DNASE1: variants seen among roughly 807,000 people sequenced by gnomAD.
DNASE1 encodes deoxyribonuclease 1.
A neutral mutation model predicts 33.9 loss-of-function variants in DNASE1; 40 were observed. The observed-to-expected ratio is 1.18, with a 90% CI of 0.92 to 1.54. The LOEUF is 1.54. DNASE1 is among the 40% of genes most tolerant of loss of function. DNASE1 has a pLI of 0.00. For missense variants in DNASE1, 518 were observed against 372.6 expected (o/e 1.39, Z -3.21); for synonymous variants, 216 against 160.0 (o/e 1.35, Z -2.64).
chr16:3,620,797 T>A (rs58832719), intron 1 of DNASE1, among the ~76,000 whole-genome samples: 8,646 of 151,176 alleles, frequency 0.057, 286 homozygotes, highest in East Asian at 0.14. Flanking sequence ...TTTTTTTTTT[T>A]AAAAAGTTTA....
chr16:3,657,626 G>T, intron 7 of DNASE1, 94 bp from the exon 8 acceptor site: 1 of 1,539,048 alleles, frequency 6.5e-7, no homozygotes, highest in Non-Finnish European at 8.8e-7. Flanking sequence ...ACCTGCACTG[G>T]CAGGTCCCAG....
chr16:3,618,787 C>G (rs2041198041), intron 1 of DNASE1, among the ~76,000 whole-genome samples: 1 of 152,178 alleles, frequency 6.6e-6, no homozygotes, highest in Admixed American at 6.5e-5. Flanking sequence ...AAATGCCCTT[C>G]AGTGCATGAA....
intron 1 of DNASE1, among the ~76,000 whole-genome samples, chr16:3,625,644 A>C (rs1431014184): frequency 1.3e-5 from 2 of 151,682 alleles, no homozygotes; most frequent in Non-Finnish European, 2.9e-5. Context: ...AAATAAATGA[A>C]ACGGCCAATA....
upstream of DNASE1, among the ~76,000 whole-genome samples, chr16:3,650,412 C>A (rs1424555269): frequency 6.6e-6 from 1 of 152,068 alleles, no homozygotes; most frequent in Non-Finnish European, 1.5e-5. Flanking sequence ...TGAGACATTG[C>A]ATGAAAGATG....
At chr16:3,658,103 T>TGTCAGTCCTTCTGGCCCCCTGGCTGTCA, downstream of DNASE1, 1 of 1,612,084 alleles carries the variant, frequency 6.2e-7, no homozygotes. Context: ...TCATCTGTGG[T>TGTCAGTCCTTCTGGCCCCCTGGCTGTCA]GTCAGTCCTT....
intron 1 of DNASE1, among the ~76,000 whole-genome samples, chr16:3,623,481 G>T: frequency 6.6e-6 from 1 of 152,114 alleles, no homozygotes; most frequent in East Asian, 1.9e-4. Flanking sequence ...ATAGGCAAAT[G>T]GGACTTAATT....
chr16:3,649,830 GTTAAATCGGTAGAAA>G (rs1335965150), upstream of DNASE1, among the ~76,000 whole-genome samples: 1 of 151,896 alleles, frequency 6.6e-6, no homozygotes, highest in African/African-American at 2.4e-5. Context: ...AGCTTCTTAA[GTTAAATCGGTAGAAA>G]TTTAGGCATG....
At chr16:3,658,364 G>GA, downstream of DNASE1, 4 of 709,962 alleles carry the variant, frequency 5.6e-6, no homozygotes, top group Non-Finnish European at 9.4e-6. Context: ...AACCTCAGGT[G>GA]ATCCCCCCGC....
At chr16:3,646,427 C>T (rs559197148) in intron 1 of DNASE1, among the ~76,000 whole-genome samples, 10 of 152,214 alleles carry the variant, frequency 6.6e-5, no homozygotes, top group African/African-American at 2.4e-4. Flanking sequence ...TAAACAGGTG[C>T]CTGAGTAAAC....
At chr16:3,662,154 G>A, downstream of DNASE1, 1 of 1,596,130 alleles carries the variant, frequency 6.3e-7, no homozygotes, top group Non-Finnish European at 8.6e-7. Context: ...GCCCGGGGTT[G>A]AGGGTGATAG....
chr16:3,637,447 G>A (rs2041903805), intron 1 of DNASE1, among the ~76,000 whole-genome samples: 1 of 152,146 alleles, frequency 6.6e-6, no homozygotes, highest in South Asian at 2.1e-4. Flanking sequence ...CCTGGCCTGT[G>A]ACTTTTACCA....
At chr16:3,613,264 C>T (rs1056188820) in intron 1 of DNASE1, among the ~76,000 whole-genome samples, 50 of 152,166 alleles carry the variant, frequency 3.3e-4, no homozygotes, top group African/African-American at 1.1e-3. Flanking sequence ...TTTTATTAAG[C>T]ATGTTTTCAA....
At chr16:3,626,198 C>A (rs949870401) in intron 1 of DNASE1, among the ~76,000 whole-genome samples, 1 of 150,700 alleles carries the variant, frequency 6.6e-6, no homozygotes, top group African/African-American at 2.4e-5. Context: ...CTAAAGAAAT[C>A]CTAAAAAAAA....
At chr16:3,637,355 G>A (rs1280218117) in intron 1 of DNASE1, among the ~76,000 whole-genome samples, 1 of 152,114 alleles carries the variant, frequency 6.6e-6, no homozygotes, top group Non-Finnish European at 1.5e-5. Context: ...TTATTATATA[G>A]GAGCCCTATT....
rs1406635239 is a variant in DNASE1 at position 3,656,713 on chromosome 16, C to G, written c.396C>G (p.Asn132Lys). The G allele has an allele frequency of 6.2e-7, 1 of 1,612,716 alleles. No individual in the cohort carries two copies. The highest frequency in any genetic ancestry group is 8.5e-7 in the Non-Finnish European group (1 of 1,179,480). The change falls in exon 5 of 9, where the codon AAC becomes AAG. Residue 132 changes from asparagine (N) to lysine (K), a missense_variant. Transcript: ENST00000246949. The stretch of plus-strand genomic sequence containing the variant: ...AGCCCTGCGGGAACGACACCTTCAA[C>G]CGAGAGCCAGCCATTGTCAGGTTCT... ...GCEPCGNDTF[N>K]REPAIVRFFS...
intron 1 of DNASE1, among the ~76,000 whole-genome samples, chr16:3,613,880 T>C (rs1038984983): frequency 1.3e-5 from 2 of 151,224 alleles, no homozygotes; most frequent in African/African-American, 4.9e-5. Context: ...TAGCTGGGAT[T>C]ACAGGCGCCC....
chr16:3,654,560 C>A, upstream of DNASE1: 2 of 398,704 alleles, frequency 5.0e-6, no homozygotes, highest in Admixed American at 4.4e-5. Flanking sequence ...CCCACCCTCC[C>A]GCACATACCT....
In DNASE1 at chr16:3,628,795, G is replaced by A. The variant is rs1315910280; in HGVS notation, c.-1358-11920G>A. Among the ~76,000 whole-genome samples, 5 of 147,772 alleles carry A rather than the reference G, an allele frequency of 3.4e-5. No homozygotes were observed. The East Asian group carries it at 8.1e-4, about 24-fold the overall frequency. On this transcript the variant is annotated intron_variant and NMD_transcript_variant, in intron 1 of 11. Coordinates refer to the DNASE1 transcript ENST00000570769. ...AGGATGGTCTCGATCTCCTGACCTC[G>A]TGATCCGCCCGCCTCAGCTTCCCAA...
intron 1 of DNASE1, among the ~76,000 whole-genome samples, chr16:3,626,095 A>G (rs769132608): frequency 4.6e-5 from 7 of 151,526 alleles, no homozygotes; most frequent in Admixed American, 6.6e-5. Context: ...GCAAGACTCT[A>G]TCTCAAAAAG....
Sources: allele counts gnomAD v4.1 joint callset (sites outside exome capture counted in the v4.1 genomes callset), GRCh38; gene constraint gnomAD v4.1.1; transcripts MANE v1.5; gene names NCBI Gene and HGNC (gene_info 2026-07-23, HGNC 2026-07-21).